SGCZ: variants seen among roughly 807,000 people sequenced by gnomAD.
SGCZ encodes the protein zeta-sarcoglycan.
Under a neutral mutation model 41.3 loss-of-function variants are expected in SGCZ, and 40 were observed. The observed-to-expected ratio is 0.97, with a 90% CI of 0.75 to 1.26. The LOEUF (loss-of-function observed/expected upper bound fraction) is 1.26. Ranked by LOEUF, SGCZ falls within the 50% of genes most tolerant of loss-of-function variation. SGCZ has a pLI of 0.00. For missense variants in SGCZ, 552 were observed against 369.8 expected (o/e 1.49, Z -4.04); for synonymous variants, 206 against 137.5 (o/e 1.50, Z -3.49).
chr8:14,206,906 C>G (rs1397367448), intron 4 of SGCZ, among the ~76,000 whole-genome samples: 1 of 152,082 alleles, frequency 6.6e-6, no homozygotes, highest in Non-Finnish European at 1.5e-5. Flanking sequence ...GGGAATAGAC[C>G]TGGTGGCCTT....
intron 1 of SGCZ, among the ~76,000 whole-genome samples, chr8:14,903,202 C>T (rs1306441307): frequency 6.6e-6 from 1 of 152,040 alleles, no homozygotes; most frequent in Non-Finnish European, 1.5e-5. Context: ...AGACACAGAA[C>T]TGAAATTTCA....
At chr8:14,839,243 AAGAG>A in intron 1 of SGCZ, among the ~76,000 whole-genome samples, 1 of 151,980 alleles carries the variant, frequency 6.6e-6, no homozygotes, top group East Asian at 1.9e-4. Context: ...AAGAGGGAGA[AAGAG>A]AGAGAAAAAA....
At chr8:14,674,499 T>C (rs1368657403) in intron 1 of SGCZ, among the ~76,000 whole-genome samples, 1 of 152,192 alleles carries the variant, frequency 6.6e-6, no homozygotes, top group Admixed American at 6.5e-5. Flanking sequence ...ATATGCAAAA[T>C]TGGTTTGAAA....
intron 4 of SGCZ, among the ~76,000 whole-genome samples, chr8:14,167,063 A>T (rs1804232680): frequency 6.6e-6 from 1 of 152,182 alleles, no homozygotes. Context: ...AAATATTCTA[A>T]ATCAGAAAAT....
intron 1 of SGCZ, among the ~76,000 whole-genome samples, chr8:15,079,515 G>T (rs145574774): frequency 4.6e-5 from 7 of 152,226 alleles, no homozygotes; most frequent in African/African-American, 1.7e-4. Context: ...AAGCAAATAA[G>T]TTTGCCTTGA....
chr8:14,374,546 G>C (rs1483174002), intron 2 of SGCZ, among the ~76,000 whole-genome samples: 3 of 151,094 alleles, frequency 2.0e-5, no homozygotes, highest in Admixed American at 6.6e-5. Flanking sequence ...TGAATAAAGA[G>C]AGAAAAGTAT....
intron 1 of SGCZ, among the ~76,000 whole-genome samples, chr8:15,060,560 C>A (rs1804887193): frequency 6.6e-6 from 1 of 150,674 alleles, no homozygotes; most frequent in Non-Finnish European, 1.5e-5. Context: ...AGGAGATATA[C>A]CTAATTAATG....
chr8:15,079,266 C>T (rs1209013449), intron 1 of SGCZ, among the ~76,000 whole-genome samples: 2 of 152,090 alleles, frequency 1.3e-5, no homozygotes, highest in East Asian at 3.9e-4. Context: ...AATCAAAGAC[C>T]ATGGAAATTA....
chr8:14,470,952 T>C (rs557570155), intron 2 of SGCZ, among the ~76,000 whole-genome samples: 1 of 152,138 alleles, frequency 6.6e-6, no homozygotes, highest in Non-Finnish European at 1.5e-5. Context: ...CCAGGCACAA[T>C]CATCACTTCA....
At chr8:14,431,160 A>G (rs1220275623) in intron 2 of SGCZ, among the ~76,000 whole-genome samples, 1 of 152,102 alleles carries the variant, frequency 6.6e-6, no homozygotes, top group Non-Finnish European at 1.5e-5. Context: ...AAATACCACA[A>G]CCATTCTTCA....
At chr8:15,229,518 T>C (rs1031540710) in intron 1 of SGCZ, among the ~76,000 whole-genome samples, 1 of 152,184 alleles carries the variant, frequency 6.6e-6, no homozygotes, top group African/African-American at 2.4e-5. Flanking sequence ...TAAATGTAAA[T>C]CAGTTGCTTA....
chr8:15,185,290 G>C (rs1018876612), intron 1 of SGCZ, among the ~76,000 whole-genome samples: 3 of 152,178 alleles, frequency 2.0e-5, no homozygotes, highest in Non-Finnish European at 4.4e-5. Context: ...TTTTACTAAA[G>C]AGCCAAAGCT....
intron 5 of SGCZ, among the ~76,000 whole-genome samples, chr8:14,114,365 G>T (rs562481885): frequency 6.6e-6 from 1 of 151,874 alleles, no homozygotes; most frequent in Non-Finnish European, 1.5e-5. Flanking sequence ...GTTATTATGA[G>T]CATAGCCAAA....
At chr8:15,005,322 C>CTTTTTT (rs1491143870) in intron 1 of SGCZ, among the ~76,000 whole-genome samples, 4 of 116,276 alleles carry the variant, frequency 3.4e-5, no homozygotes, top group African/African-American at 1.5e-4. Flanking sequence ...CCGTTTTTTT[C>CTTTTTT]TTTTTCTTTT....
At chr8:14,368,603 G>T (rs1293832946) in intron 2 of SGCZ, among the ~76,000 whole-genome samples, 3 of 152,010 alleles carry the variant, frequency 2.0e-5, no homozygotes, top group African/African-American at 7.2e-5. Flanking sequence ...GCCAAGCAGA[G>T]CTTTGCATTA....
At chr8:14,827,539 C>G (rs1202569915) in intron 1 of SGCZ, among the ~76,000 whole-genome samples, 1 of 152,062 alleles carries the variant, frequency 6.6e-6, no homozygotes, top group Non-Finnish European at 1.5e-5. Flanking sequence ...TTTGCCAATT[C>G]CATGTCAAAT....
chr8:14,263,926 G>T (rs1258601105), intron 3 of SGCZ, among the ~76,000 whole-genome samples: 1 of 152,204 alleles, frequency 6.6e-6, no homozygotes, highest in East Asian at 1.9e-4. Flanking sequence ...AGGCCTACCA[G>T]GGTGAAACCC....
At chr8:14,477,256 G>A (rs1168677818) in intron 2 of SGCZ, among the ~76,000 whole-genome samples, 1 of 152,018 alleles carries the variant, frequency 6.6e-6, no homozygotes, top group South Asian at 2.1e-4. Context: ...ATAAGGAGAA[G>A]GCTGTTGGCA....
chr8:14,622,164 T>A (rs1298614844), intron 1 of SGCZ, among the ~76,000 whole-genome samples: 1 of 152,118 alleles, frequency 6.6e-6, no homozygotes, highest in Non-Finnish European at 1.5e-5. Flanking sequence ...GAAAGGTAAC[T>A]TACATTGATT....
Sources: gnomAD v4.1 joint callset for allele counts (sites outside exome capture counted in the v4.1 genomes callset) on GRCh38, gnomAD v4.1.1 for gene constraint, MANE v1.5 for transcripts, NCBI Gene and HGNC (gene_info 2026-07-23, HGNC 2026-07-21) for gene names.